APP: variants seen among roughly 807,000 people sequenced by gnomAD.
The protein encoded by APP is amyloid beta precursor protein.
APP carries 31 observed loss-of-function variants against 101.4 expected under a neutral mutation model. The ratio of observed to expected loss-of-function variants is 0.31; its 90% CI spans 0.23 to 0.41. The LOEUF (loss-of-function observed/expected upper bound fraction) is 0.41. Ranked by LOEUF, APP falls within the 10% of genes least tolerant of loss-of-function variation. The pLI, the probability that APP is intolerant of heterozygous loss-of-function variation, is 1.00. For synonymous variants in APP, 366 were observed against 364.4 expected, an observed-to-expected ratio of 1.00 and a Z score of -0.05; for missense variants, 839 against 1,003.7, an observed-to-expected ratio of 0.84 and a Z score of 2.22.
At chr21:26,147,571 T>C (rs1480773745) in intron 1 of APP, among the ~76,000 whole-genome samples, 2 of 151,974 alleles carry the variant, frequency 1.3e-5, no homozygotes, top group Admixed American at 6.6e-5. Context: ...TTTTGCTTTA[T>C]TGTCTACAGT....
intron 6 of APP, among the ~76,000 whole-genome samples, chr21:26,017,023 C>G (rs1568861195): frequency 6.7e-6 from 1 of 149,770 alleles, no homozygotes; most frequent in South Asian, 2.1e-4. Flanking sequence ...ATGGTGAAAC[C>G]CTGACTCTAC....
chr21:26,099,551 A>C (rs2062014529), intron 2 of APP, among the ~76,000 whole-genome samples: 1 of 152,266 alleles, frequency 6.6e-6, no homozygotes, highest in Non-Finnish European at 1.5e-5. Context: ...ACTCGGACTT[A>C]GGCATATAAA....
chr21:25,937,955 G>A (rs2146420666), intron 13 of APP: 1 of 151,992 alleles, frequency 6.6e-6, no homozygotes, highest in South Asian at 2.1e-4. Context: ...TTGACTTTTT[G>A]TAGAAACAGG....
intron 14 of APP, among the ~76,000 whole-genome samples, chr21:25,906,826 G>T (rs1345238686): frequency 6.6e-6 from 1 of 151,712 alleles, no homozygotes; most frequent in African/African-American, 2.4e-5. Flanking sequence ...CCACATGCAC[G>T]AGGGCAAACG....
chr21:25,982,860 A>G (rs1157698070), intron 8 of APP, among the ~76,000 whole-genome samples: 1 of 152,222 alleles, frequency 6.6e-6, no homozygotes, highest in African/African-American at 2.4e-5. Context: ...GATATCATCA[A>G]TATCATACAC....
rs375227241 is a variant in APP, at chr21:25,977,548, T to C, written c.1225-1520A>G. Among the ~76,000 whole-genome samples, 4 of 152,346 alleles carry C rather than the reference T, an allele frequency of 2.6e-5. No homozygotes were observed. In the East Asian group the frequency reaches 5.8e-4, roughly 22 times the overall value. ...ATAGAAGACTTCTATGAGACAATAC[T>C]ATATCAAATCACCATGTGGGTTCCT... On this transcript the variant is annotated intron_variant, in intron 9 of 17. Coordinates refer to ENST00000346798, the MANE Select transcript of APP (RefSeq NM_000484.4).
At chr21:26,170,217 C>G (rs1489105093) in intron 1 of APP, among the ~76,000 whole-genome samples, 1 of 152,166 alleles carries the variant, frequency 6.6e-6, no homozygotes, top group Non-Finnish European at 1.5e-5. Flanking sequence ...CCCCCTTCCC[C>G]CCTGTCTGAA....
intron 5 of APP, among the ~76,000 whole-genome samples, chr21:26,033,846 G>A (rs2044961026): frequency 6.6e-6 from 1 of 152,126 alleles, no homozygotes; most frequent in African/African-American, 2.4e-5. Context: ...AGTAAGAGGA[G>A]GAATCTGATG....
At position 26,112,008 on chromosome 21, in the gene APP, T is replaced by C. The variant is rs778250646; in HGVS notation, c.196A>G (p.Lys66Glu). ...TGGCAATACTGCAGGATGCCTTCCT[T>C]GGTATCAATGCAGGTTTTGGTCCCT... is the stretch of plus-strand genomic sequence containing the variant. ...PSGTKTCIDT[K>E]EGILQYCQEV... Residue 66 changes from lysine (K) to glutamate (E), a missense_variant, in exon 2 of 18, where the codon AAG becomes GAG. Transcript: ENST00000346798. The C allele has an allele frequency of 6.2e-7, 1 of 1,614,090 alleles. No homozygotes were observed. The highest frequency in any genetic ancestry group is 2.2e-5 in the East Asian group (1 of 44,862).
chr21:26,047,730 A>AT (rs1448112542), intron 5 of APP, among the ~76,000 whole-genome samples: 9 of 152,212 alleles, frequency 5.9e-5, no homozygotes, highest in Admixed American at 1.3e-4. Flanking sequence ...ATAAAGAGTG[A>AT]TAAGAAATTT....
rs200115611 is a variant in APP, at chr21:25,905,095, G to A, written c.1910-18C>T. On this transcript the variant is annotated intron_variant, in intron 14 of 17. Coordinates refer to ENST00000346798, the MANE Select transcript of APP (RefSeq NM_000484.4). The stretch of plus-strand genomic sequence containing the variant: ...AGGCTCAACTGGGCACAGGAAGCAA[G>A]GGACACAGAAAGCAAACAAGACAAA... The A allele has an allele frequency of 6.2e-6, 10 of 1,611,968 alleles. 1 individual carries two copies. Among genetic ancestry groups the A allele is most frequent in the Non-Finnish European group, 8.5e-6 (10 of 1,178,322 alleles).
At chr21:26,017,479 C>T (rs1186658110) in intron 6 of APP, among the ~76,000 whole-genome samples, 1 of 151,228 alleles carries the variant, frequency 6.6e-6, no homozygotes, top group Non-Finnish European at 1.5e-5. Context: ...TCTATATCTG[C>T]AACAAAGGCT....
chr21:25,966,349 C>T (rs368692722), intron 11 of APP, among the ~76,000 whole-genome samples: 3 of 152,198 alleles, frequency 2.0e-5, no homozygotes, highest in African/African-American at 2.4e-5. Flanking sequence ...TCCCCCTTTG[C>T]TCACCAATGT....
At chr21:25,931,015 T>C (rs181050439) in intron 13 of APP, among the ~76,000 whole-genome samples, 1 of 152,216 alleles carries the variant, frequency 6.6e-6, no homozygotes, top group Admixed American at 6.5e-5. Flanking sequence ...ACCAAGAAAA[T>C]CAAACCACTT....
intron 17 of APP, among the ~76,000 whole-genome samples, chr21:25,887,042 G>A (rs1043533615): frequency 4.6e-5 from 7 of 151,998 alleles, no homozygotes; most frequent in African/African-American, 7.2e-5. Flanking sequence ...AGGTGGGGGC[G>A]GGGAGACTTC....
In APP at chr21:25,898,963, C is replaced by A. The variant is rs118033390; in HGVS notation, c.1964-1290G>T. Among the ~76,000 whole-genome samples the A allele has an allele frequency of 6.1e-3, 930 of 152,296 alleles. 7 individuals carry two copies. Among genetic ancestry groups the A allele is most frequent in the Non-Finnish European group, 1.0e-2 (679 of 68,016 alleles). On this transcript the variant is annotated intron_variant, in intron 15 of 17. Transcript: ENST00000346798. ...AGCATATGATGTGCCAGTCTAAGAG[C>A]ACAGCCTATACAAGGAGAAGGTAAG...
chr21:26,001,582 T>C lies in APP; in HGVS notation c.866-1400A>G, dbSNP rs1310636056. On this transcript the variant is annotated intron_variant, in intron 6 of 17. Transcript: ENST00000346798. Reference sequence around the variant, plus strand: ...GGCACAATCTTGGCTCACTGCAACCTCTACCTCCTGAGTTCAAGTGATTCT... The same window carrying C: ...GGCACAATCTTGGCTCACTGCAACCCCTACCTCCTGAGTTCAAGTGATTCT... Among the ~76,000 whole-genome samples the C allele has an allele frequency of 9.8e-5, 15 of 152,348 alleles. No homozygotes were observed. The South Asian group carries it at 3.1e-3, about 32-fold the overall frequency.
chr21:25,888,518 G>T (rs2037487819), intron 17 of APP, among the ~76,000 whole-genome samples: 1 of 152,116 alleles, frequency 6.6e-6, no homozygotes, highest in African/African-American at 2.4e-5. Context: ...AGTCACAAAG[G>T]TCTTGAGGGG....
intron 6 of APP, among the ~76,000 whole-genome samples, chr21:26,007,338 AAT>A (rs1277796024): frequency 6.7e-6 from 1 of 148,318 alleles, no homozygotes; most frequent in African/African-American, 2.4e-5. Flanking sequence ...CAATATTTCA[AAT>A]AAACGTTATA....
Sources: allele counts gnomAD v4.1 joint callset (sites outside exome capture counted in the v4.1 genomes callset), GRCh38; gene constraint gnomAD v4.1.1; transcripts MANE v1.5; gene names NCBI Gene and HGNC (gene_info 2026-07-23, HGNC 2026-07-21).